The following PCDH9 variants were observed in gnomAD, a reference collection of about 807,000 sequenced individuals.
PCDH9 encodes the protein protocadherin-9.
A neutral mutation model predicts 70.6 loss-of-function variants in PCDH9; 24 were observed. That is an observed-to-expected ratio of 0.34 (90% CI 0.25 to 0.48). PCDH9 has a LOEUF of 0.48. Among genes scored for constraint, PCDH9 ranks in the 20% least tolerant of loss-of-function variants. The pLI, the probability that PCDH9 is intolerant of heterozygous loss-of-function variation, is 0.99. For missense variants in PCDH9, 1,281 were observed against 1,503.6 expected (o/e 0.85, Z 2.45); for synonymous variants, 562 against 558.5 (o/e 1.01, Z -0.09).
rs150895151 is a variant in PCDH9 at position 66,532,753 on chromosome 13, T to C, written c.3340+98457A>G. Among the ~76,000 whole-genome samples the C allele has an allele frequency of 4.3e-3, 657 of 152,162 alleles. 3 individuals are homozygous for C. Among genetic ancestry groups the C allele is most frequent in the African/African-American group, 0.015 (628 of 41,512 alleles). On this transcript the variant is annotated intron_variant, in intron 4 of 4. Coordinates refer to ENST00000377865, the MANE Select transcript of PCDH9 (RefSeq NM_203487.3). ...ACTTTCGGAGGCCAAGGAGGGCAGATGTCAAGATTAATTTTATTTTTTTAA... is the reference window on the plus strand; with the variant it reads ...ACTTTCGGAGGCCAAGGAGGGCAGACGTCAAGATTAATTTTATTTTTTTAA...
Position 67,055,086 on chromosome 13 carries a change from T to C in PCDH9, c.3037-151481A>G, listed in dbSNP as rs1217926825. Among the ~76,000 whole-genome samples, 4 of 152,224 alleles carry C rather than the reference T, an allele frequency of 2.6e-5. No individual in the cohort carries two copies. The East Asian group carries it at 7.7e-4, about 29-fold the overall frequency. Reference sequence around the variant, plus strand: ...TGAAACTCAATTTCCATTTTATGGATTATATTTTATTATTTGCACTTAAAA... The same window carrying C: ...TGAAACTCAATTTCCATTTTATGGACTATATTTTATTATTTGCACTTAAAA... On this transcript the variant is annotated intron_variant, in intron 2 of 4. Transcript: ENST00000377865.
chr13:66,751,315 T>A (rs1480640010), intron 3 of PCDH9, among the ~76,000 whole-genome samples: 3 of 152,132 alleles, frequency 2.0e-5, no homozygotes, highest in Non-Finnish European at 4.4e-5. Flanking sequence ...AAAGAGAAAT[T>A]TTCTCTGGGA....
At chr13:66,917,901 T>A (rs2082581266) in intron 2 of PCDH9, among the ~76,000 whole-genome samples, 1 of 151,262 alleles carries the variant, frequency 6.6e-6, no homozygotes. Flanking sequence ...CACCTCTCTC[T>A]CATTCCCTCT....
rs140452925 is a variant in PCDH9, at chr13:66,892,614, A to G, written c.3138+10890T>C. ...TGAATGGAAAAAAGTAAGATATCAT[A>G]CTTGTAATAAGACATGTAAGTCCCT... On this transcript the variant is annotated intron_variant, in intron 3 of 4. Coordinates refer to ENST00000377865, the MANE Select transcript of PCDH9 (RefSeq NM_203487.3). 8.2e-3 allele frequency among the ~76,000 whole-genome samples: 1,254 copies of G among 152,150 alleles called. 13 individuals carry two copies. Among genetic ancestry groups the G allele is most frequent in the African/African-American group, 0.029 (1,198 of 41,560 alleles).
chr13:66,834,454 T>C (rs937268915), intron 3 of PCDH9, among the ~76,000 whole-genome samples: 2 of 152,136 alleles, frequency 1.3e-5, no homozygotes, highest in African/African-American at 2.4e-5. Context: ...TGATGGTCTT[T>C]TGGTTTCTGA....
intron 2 of PCDH9, among the ~76,000 whole-genome samples, chr13:67,068,170 C>T (rs1291281555): frequency 6.6e-6 from 1 of 151,950 alleles, no homozygotes; most frequent in Non-Finnish European, 1.5e-5. Context: ...AATAGTATCA[C>T]ATTTAAATGT....
chr13:66,313,559 C>A (rs1029139574), intron 4 of PCDH9, among the ~76,000 whole-genome samples: 7 of 152,150 alleles, frequency 4.6e-5, no homozygotes, highest in African/African-American at 1.4e-4. Context: ...GTTGCAAAAG[C>A]GAGCCTGAAT....
chr13:67,136,759 TTAA>T (rs34586491), intron 2 of PCDH9, among the ~76,000 whole-genome samples: 61,819 of 151,490 alleles, frequency 0.41, 12,929 homozygotes, highest in Middle Eastern at 0.46. Flanking sequence ...CAAATGTTAG[TTAA>T]TAATAATAGT....
intron 2 of PCDH9, among the ~76,000 whole-genome samples, chr13:67,100,910 C>T (rs2138238683): frequency 6.6e-6 from 1 of 152,122 alleles, no homozygotes; most frequent in Non-Finnish European, 1.5e-5. Context: ...GAAAGATATG[C>T]AATCACTCAA....
At chr13:66,451,297 A>G (rs1958203884) in intron 4 of PCDH9, among the ~76,000 whole-genome samples, 1 of 152,234 alleles carries the variant, frequency 6.6e-6, no homozygotes, top group Non-Finnish European at 1.5e-5. Context: ...TGTCTATTTT[A>G]CTAACATTTT....
intron 2 of PCDH9, among the ~76,000 whole-genome samples, chr13:67,189,675 T>C (rs1194540826): frequency 2.0e-5 from 3 of 151,760 alleles, no homozygotes; most frequent in African/African-American, 7.3e-5. Flanking sequence ...AGTGCCATGA[T>C]GAGAAAAGAG....
At chr13:67,046,578 A>T (rs1198410783) in intron 2 of PCDH9, among the ~76,000 whole-genome samples, 2 of 151,916 alleles carry the variant, frequency 1.3e-5, no homozygotes, top group African/African-American at 4.8e-5. Flanking sequence ...AGGATCTAGG[A>T]TTTTTTTTCA....
At chr13:66,318,276 T>C (rs1279524234) in intron 4 of PCDH9, among the ~76,000 whole-genome samples, 1 of 152,200 alleles carries the variant, frequency 6.6e-6, no homozygotes, top group African/African-American at 2.4e-5. Context: ...TTTTCTGCAA[T>C]CTTTTCTGCT....
chr13:66,685,296 A>G (rs1180930321), intron 3 of PCDH9, among the ~76,000 whole-genome samples: 1 of 152,250 alleles, frequency 6.6e-6, no homozygotes, highest in East Asian at 1.9e-4. Flanking sequence ...GCCAAAGTAC[A>G]GCTCATATCA....
intron 2 of PCDH9, among the ~76,000 whole-genome samples, chr13:67,138,148 T>G (rs2087281790): frequency 6.6e-6 from 1 of 152,112 alleles, no homozygotes; most frequent in Non-Finnish European, 1.5e-5. Context: ...TCTTTACTAT[T>G]TATTTGAAAT....
chr13:66,616,326 C>G (rs959724173), intron 4 of PCDH9, among the ~76,000 whole-genome samples: 2 of 151,966 alleles, frequency 1.3e-5, no homozygotes, highest in Non-Finnish European at 2.9e-5. Context: ...ATTATTCTTA[C>G]TGCACTTTTT....
intron 3 of PCDH9, among the ~76,000 whole-genome samples, chr13:66,737,663 G>A (rs2079175064): frequency 6.6e-6 from 1 of 152,182 alleles, no homozygotes; most frequent in Non-Finnish European, 1.5e-5. Context: ...CCGAAGCCGG[G>A]CAAGGCATTG....
chr13:67,029,059 A>T (rs925115814), intron 2 of PCDH9, among the ~76,000 whole-genome samples: 1 of 152,318 alleles, frequency 6.6e-6, no homozygotes, highest in Admixed American at 6.5e-5. Flanking sequence ...AACACTGGTT[A>T]TGCAAAAAAA....
At chr13:67,120,812 A>C (rs528728546) in intron 2 of PCDH9, among the ~76,000 whole-genome samples, 1 of 152,248 alleles carries the variant, frequency 6.6e-6, no homozygotes, top group East Asian at 1.9e-4. Context: ...CTTTTAAATT[A>C]CTTTCTCATA....
Sources: allele counts gnomAD v4.1 joint callset (sites outside exome capture counted in the v4.1 genomes callset), GRCh38; gene constraint gnomAD v4.1.1; transcripts MANE v1.5; gene names NCBI Gene and HGNC (gene_info 2026-07-23, HGNC 2026-07-21).